Variants in CACHD1 observed in about 807,000 individuals in gnomAD.
CACHD1 encodes cache domain containing 1.
Under a neutral mutation model 138.7 loss-of-function variants are expected in CACHD1, and 71 were observed. The observed-to-expected ratio is 0.51, with a 90% CI of 0.42 to 0.62. The LOEUF (loss-of-function observed/expected upper bound fraction) is 0.62, where lower values mean the gene tolerates loss of function less well. CACHD1 is among the 20% of genes least tolerant of loss of function. The pLI, the probability that CACHD1 is intolerant of heterozygous loss-of-function variation, is 0.00. For missense variants in CACHD1, 1,389 were observed against 1,625.3 expected (o/e 0.85, Z 2.50); for synonymous variants, 578 against 591.5 (o/e 0.98, Z 0.33).
Position 64,661,709 on chromosome 1 carries a change from T to G in CACHD1, c.1952-1986T>G, listed in dbSNP as rs147640079. On this transcript the variant is annotated intron_variant, in intron 13 of 26. Coordinates refer to ENST00000651257, the MANE Select transcript of CACHD1 (RefSeq NM_020925.4). The stretch of plus-strand genomic sequence containing the variant: ...GCCTGCAAAAGAATATATACATGAA[T>G]CCACAGCATGCTGCTAGGCACCCTA... 4.3e-3 allele frequency among the ~76,000 whole-genome samples: 653 copies of G among 152,252 alleles called. 4 individuals carry two copies. The highest frequency in any genetic ancestry group is 5.9e-3 in the Non-Finnish European group (399 of 68,022).
chr1:64,494,814 A>G (rs1646297454), intron 1 of CACHD1, among the ~76,000 whole-genome samples: 1 of 152,226 alleles, frequency 6.6e-6, no homozygotes. Context: ...TCTATTTCTA[A>G]TGCAGATAGC....
At chr1:64,550,681 C>T in intron 2 of CACHD1, 25 bp downstream of exon 2, 2 of 1,496,600 alleles carry the variant, frequency 1.3e-6, no homozygotes, top group South Asian at 2.3e-5. Flanking sequence ...GTACTTGACA[C>T]TCCCTGTCTT....
chr1:64,528,957 T>C (rs1021380972), intron 1 of CACHD1, among the ~76,000 whole-genome samples: 1 of 152,146 alleles, frequency 6.6e-6, no homozygotes, highest in African/African-American at 2.4e-5. Flanking sequence ...ATTTTAAAAA[T>C]TTATACCTAT....
chr1:64,573,288 C>A (rs1646940203), intron 2 of CACHD1, among the ~76,000 whole-genome samples: 1 of 152,146 alleles, frequency 6.6e-6, no homozygotes, highest in Non-Finnish European at 1.5e-5. Context: ...GAGGAAGAGA[C>A]AGACACTCTG....
At chr1:64,543,996 A>T (rs188837791) in intron 1 of CACHD1, among the ~76,000 whole-genome samples, 13 of 146,912 alleles carry the variant, frequency 8.8e-5, no homozygotes, top group African/African-American at 1.5e-4. Flanking sequence ...CATGATTTTT[A>T]AAAAAATTTG....
At chr1:64,597,866 T>G (rs979666394) in intron 3 of CACHD1, among the ~76,000 whole-genome samples, 1 of 152,184 alleles carries the variant, frequency 6.6e-6, no homozygotes, top group Non-Finnish European at 1.5e-5. Flanking sequence ...TGAAAAATCT[T>G]TTAGGTAACC....
intron 26 of CACHD1, among the ~76,000 whole-genome samples, chr1:64,688,000 G>C (rs745670847): frequency 6.6e-6 from 1 of 151,922 alleles, no homozygotes; most frequent in Non-Finnish European, 1.5e-5. Context: ...GCCCCCATGT[G>C]GGCTGGCAGG....
intron 4 of CACHD1, among the ~76,000 whole-genome samples, chr1:64,614,071 G>A (rs1200357356): frequency 6.6e-6 from 1 of 152,174 alleles, no homozygotes; most frequent in Non-Finnish European, 1.5e-5. Context: ...TTTCCGCTCA[G>A]TACTTCTCCA....
intron 26 of CACHD1, 43 bp from the exon 27 acceptor site, chr1:64,691,280 T>A (rs1650544297): frequency 1.9e-6 from 3 of 1,573,254 alleles, no homozygotes; most frequent in Non-Finnish European, 2.6e-6. Flanking sequence ...TCTGTCTGCG[T>A]CTTGAAGCTC....
At chr1:64,677,310 A>G (rs772595038) in intron 22 of CACHD1, among the ~76,000 whole-genome samples, 23 of 152,308 alleles carry the variant, frequency 1.5e-4, no homozygotes, top group South Asian at 4.1e-4. Flanking sequence ...AGCAGAACCC[A>G]GTGGTCAAGG....
At chr1:64,622,435 C>G (rs775161049) in intron 4 of CACHD1, among the ~76,000 whole-genome samples, 1 of 152,162 alleles carries the variant, frequency 6.6e-6, no homozygotes, top group Non-Finnish European at 1.5e-5. Flanking sequence ...TCAGTTTCAC[C>G]TTAGGTTTTA....
At chr1:64,502,150 CAT>C (rs1363281176) in intron 1 of CACHD1, among the ~76,000 whole-genome samples, 1 of 152,158 alleles carries the variant, frequency 6.6e-6, no homozygotes, top group Non-Finnish European at 1.5e-5. Context: ...ATAGAGAAGA[CAT>C]ATAACAACTT....
intron 23 of CACHD1, among the ~76,000 whole-genome samples, chr1:64,678,638 C>T (rs537511900): frequency 1.3e-5 from 2 of 152,162 alleles, no homozygotes; most frequent in African/African-American, 2.4e-5. Context: ...AGCACAGGGC[C>T]GTGTACGGAG....
In CACHD1 at chr1:64,682,116, A is replaced by T. The variant is rs959359597; in HGVS notation, c.3586+10A>T. 1 of 1,612,688 alleles carries T rather than the reference A, an allele frequency of 6.2e-7. No individual in the cohort carries two copies. The highest frequency in any genetic ancestry group is 1.3e-5 in the African/African-American group (1 of 74,884). Reference sequence around the variant, plus strand: ...ACAGAAAGTGATCATGGTAAGGTCTAGCTTCCTGCATTTGAAGACCCAAGG... The same window carrying T: ...ACAGAAAGTGATCATGGTAAGGTCTTGCTTCCTGCATTTGAAGACCCAAGG... On this transcript the variant is annotated intron_variant, in intron 26 of 26. Coordinates refer to ENST00000651257, the MANE Select transcript of CACHD1 (RefSeq NM_020925.4).
intron 3 of CACHD1, among the ~76,000 whole-genome samples, chr1:64,586,988 G>A (rs1017988506): frequency 3.3e-5 from 5 of 152,168 alleles, no homozygotes; most frequent in Admixed American, 3.3e-4. Context: ...ATATGTATAT[G>A]TATTAATACT....
At chr1:64,688,480 G>A (rs1244359361) in intron 26 of CACHD1, among the ~76,000 whole-genome samples, 1 of 152,084 alleles carries the variant, frequency 6.6e-6, no homozygotes, top group African/African-American at 2.4e-5. Flanking sequence ...AAGGATGTCA[G>A]CTCCCTGGCA....
intron 2 of CACHD1, among the ~76,000 whole-genome samples, chr1:64,557,313 C>T (rs1646806239): frequency 6.6e-6 from 1 of 152,086 alleles, no homozygotes; most frequent in African/African-American, 2.4e-5. Flanking sequence ...GGATCAGAGC[C>T]ACCTTGGACT....
intron 2 of CACHD1, among the ~76,000 whole-genome samples, chr1:64,566,615 T>A (rs78712895): frequency 1.0e-4 from 3 of 28,966 alleles, no homozygotes; most frequent in Non-Finnish European, 5.7e-4. Context: ...AGTATGAGGC[T>A]TTTTTTTTTT....
chr1:64,559,627 C>A (rs1646823788), intron 2 of CACHD1, among the ~76,000 whole-genome samples: 1 of 152,084 alleles, frequency 6.6e-6, no homozygotes. Flanking sequence ...CAAACCTTCA[C>A]ATGTACACCC....
Sources: allele counts gnomAD v4.1 joint callset (sites outside exome capture counted in the v4.1 genomes callset), GRCh38; gene constraint gnomAD v4.1.1; transcripts MANE v1.5; gene names NCBI Gene and HGNC (gene_info 2026-07-23, HGNC 2026-07-21).